The following SRGAP3 variants were observed in gnomAD, a reference collection of about 807,000 sequenced individuals.
SRGAP3 encodes SLIT-ROBO Rho GTPase-activating protein 3.
In SRGAP3, 39 loss-of-function variants were observed where a neutral mutation model predicts 121.1. The ratio of observed to expected loss-of-function variants is 0.32; its 90% CI spans 0.25 to 0.42. The LOEUF (loss-of-function observed/expected upper bound fraction) is 0.42, where lower values mean the gene tolerates loss of function less well. SRGAP3 is among the 10% of genes least tolerant of loss of function. The pLI is 1.00. For synonymous variants in SRGAP3, 601 were observed against 570.0 expected, an observed-to-expected ratio of 1.05 and a Z score of -0.77; for missense variants, 1,213 against 1,470.6, an observed-to-expected ratio of 0.82 and a Z score of 2.86.
chr3:9,243,781 A>G (rs918560028), intron 1 of SRGAP3, among the ~76,000 whole-genome samples: 1 of 152,204 alleles, frequency 6.6e-6, no homozygotes, highest in Non-Finnish European at 1.5e-5. Flanking sequence ...TGCGGACTTC[A>G]ACTTGTAGAC....
chr3:9,195,188 C>T (rs1382331708), intron 1 of SRGAP3, among the ~76,000 whole-genome samples: 1 of 152,210 alleles, frequency 6.6e-6, no homozygotes, highest in Non-Finnish European at 1.5e-5. Context: ...AAAATAACTG[C>T]AAGTGCACAG....
intron 1 of SRGAP3, among the ~76,000 whole-genome samples, chr3:9,343,338 TA>T (rs1312264912): frequency 6.6e-6 from 1 of 152,194 alleles, no homozygotes; most frequent in Non-Finnish European, 1.5e-5. Flanking sequence ...GAATATGTCT[TA>T]AATCAGCTTT....
intron 3 of SRGAP3, among the ~76,000 whole-genome samples, chr3:9,277,152 G>A (rs957414481): frequency 6.6e-6 from 1 of 152,170 alleles, no homozygotes; most frequent in Non-Finnish European, 1.5e-5. Context: ...TATTAATTGT[G>A]GATGTTATTC....
In SRGAP3 at chr3:9,111,751, G is replaced by C. The variant is rs141600613; in HGVS notation, c.261-6909C>G. Among the ~76,000 whole-genome samples, 53 of 152,240 alleles carry C rather than the reference G, an allele frequency of 3.5e-4. 1 individual carries two copies. The highest frequency in any genetic ancestry group is 5.9e-4 in the Non-Finnish European group (40 of 68,024). Reference sequence around the variant, plus strand: ...GCTCTCTGTGCCAGCAGCCACTTTTGTCTTCTGCAGCCTCATTTTTGGAAG... The same window carrying C: ...GCTCTCTGTGCCAGCAGCCACTTTTCTCTTCTGCAGCCTCATTTTTGGAAG... On this transcript the variant is annotated intron_variant, in intron 2 of 21. Transcript: ENST00000383836.
chr3:9,069,831 T>C (rs2036993), intron 4 of SRGAP3, among the ~76,000 whole-genome samples: 103,775 of 151,990 alleles, frequency 0.68, 35,818 homozygotes, highest in Middle Eastern at 0.74. Context: ...CCTGTACTCC[T>C]AGCTACTCAG....
intron 1 of SRGAP3, among the ~76,000 whole-genome samples, chr3:9,215,995 G>C (rs755442342): frequency 3.9e-5 from 6 of 152,094 alleles, no homozygotes; most frequent in Non-Finnish European, 7.3e-5. Context: ...CCCTCAGACA[G>C]ATAGACACAC....
intron 3 of SRGAP3, among the ~76,000 whole-genome samples, chr3:9,099,610 G>A (rs981097296): frequency 9.2e-5 from 14 of 152,328 alleles, no homozygotes; most frequent in Middle Eastern, 3.4e-3. Flanking sequence ...TGCCAAACAT[G>A]AGCCTCAGTT....
At chr3:9,032,833 G>A (rs1301470250) in intron 11 of SRGAP3, 81 bp from the exon 12 acceptor site, 7 of 1,239,094 alleles carry the variant, frequency 5.6e-6, no homozygotes, top group East Asian at 2.3e-5. Flanking sequence ...TAAAACCCAC[G>A]ACTAAAGGGG....
chr3:9,014,006 C>A, intron 15 of SRGAP3, 164 bp from the exon 16 acceptor site: 2 of 705,334 alleles, frequency 2.8e-6, no homozygotes, highest in South Asian at 1.5e-5. Context: ...ATCAGAGCAT[C>A]CATCTCCCTA....
At chr3:9,212,726 A>G (rs1952488396) in intron 1 of SRGAP3, among the ~76,000 whole-genome samples, 1 of 152,192 alleles carries the variant, frequency 6.6e-6, no homozygotes, top group South Asian at 2.1e-4. Context: ...AAAAAGAAAG[A>G]AAGAAAGCTG....
At chr3:9,203,181 C>A (rs984603025) in intron 1 of SRGAP3, among the ~76,000 whole-genome samples, 1 of 152,176 alleles carries the variant, frequency 6.6e-6, no homozygotes, top group Non-Finnish European at 1.5e-5. Flanking sequence ...CTGGAGGGCA[C>A]CATATCCCAT....
At chr3:9,215,357 G>A (rs1224235964) in intron 1 of SRGAP3, among the ~76,000 whole-genome samples, 1 of 116,062 alleles carries the variant, frequency 8.6e-6, no homozygotes, top group African/African-American at 3.9e-5. Flanking sequence ...TACAGATGGG[G>A]CCCAGAGGTG....
At chr3:9,208,774 C>T (rs1193074951) in intron 1 of SRGAP3, among the ~76,000 whole-genome samples, 3 of 152,204 alleles carry the variant, frequency 2.0e-5, no homozygotes, top group African/African-American at 7.2e-5. Context: ...AGTTTGAATC[C>T]CATCTCCAGC....
intron 3 of SRGAP3, among the ~76,000 whole-genome samples, chr3:9,310,122 T>C (rs1369032003): frequency 6.6e-6 from 1 of 152,170 alleles, no homozygotes; most frequent in Non-Finnish European, 1.5e-5. Context: ...GTTACTTCTC[T>C]GAGCTCATTA....
intron 2 of SRGAP3, among the ~76,000 whole-genome samples, chr3:9,123,966 C>T (rs946065058): frequency 3.3e-5 from 5 of 151,902 alleles, no homozygotes; most frequent in East Asian, 1.9e-4. Context: ...CAGTGCTGGC[C>T]GGGGGACCTG....
intron 1 of SRGAP3, among the ~76,000 whole-genome samples, chr3:9,335,205 G>C (rs1955671799): frequency 6.6e-6 from 1 of 152,146 alleles, no homozygotes; most frequent in African/African-American, 2.4e-5. Context: ...CTGGGGGCTG[G>C]GCTCATTTGG....
chr3:9,160,477 C>G (rs1370388932), intron 1 of SRGAP3, among the ~76,000 whole-genome samples: 1 of 152,186 alleles, frequency 6.6e-6, no homozygotes, highest in Non-Finnish European at 1.5e-5. Context: ...GGAACTCAGG[C>G]CTCCAGCCAA....
intron 9 of SRGAP3, among the ~76,000 whole-genome samples, chr3:9,047,786 G>T (rs1044327186): frequency 6.6e-6 from 1 of 152,218 alleles, no homozygotes; most frequent in African/African-American, 2.4e-5. Flanking sequence ...GGGCCACGGG[G>T]AGACAAAGCA....
rs200479328 is a variant in SRGAP3 at position 9,047,486 on chromosome 3, C to T, written c.1324-11G>A. ...ATACTCTTTAAATTTCTGTAAGACA[C>T]AAGGCACAAGGAAGTTATAGATTGC... On this transcript the variant is annotated splice_polypyrimidine_tract_variant and intron_variant, in intron 9 of 21. Coordinates refer to ENST00000383836, the MANE Select transcript of SRGAP3 (RefSeq NM_014850.4). The T allele has an allele frequency of 7.1e-5, 114 of 1,613,698 alleles. No individual in the cohort carries two copies. The highest frequency in any genetic ancestry group is 8.6e-5 in the Non-Finnish European group (101 of 1,179,760).
Sources: allele counts gnomAD v4.1 joint callset (sites outside exome capture counted in the v4.1 genomes callset), GRCh38; gene constraint gnomAD v4.1.1; transcripts MANE v1.5; gene names NCBI Gene and HGNC (gene_info 2026-07-23, HGNC 2026-07-21).